Variants in UST observed in about 807,000 individuals in gnomAD.
The protein encoded by UST is uronyl 2-sulfotransferase, also known as chondroitin sulfate 2-O-sulfotransferase.
A neutral mutation model predicts 45.6 loss-of-function variants in UST; 21 were observed. That is an observed-to-expected ratio of 0.46 (90% CI 0.33 to 0.66). The LOEUF (loss-of-function observed/expected upper bound fraction) is 0.66, where lower values mean the gene tolerates loss of function less well. UST is among the 30% of genes least tolerant of loss of function. UST has a pLI of 0.02. For missense variants in UST, 463 were observed against 512.4 expected, an observed-to-expected ratio of 0.90 and a Z score of 0.93; for synonymous variants, 215 against 200.6, an observed-to-expected ratio of 1.07 and a Z score of -0.61.
chr6:148,883,894 GC>G (rs1456572049), intron 1 of UST, among the ~76,000 whole-genome samples: 1 of 152,178 alleles, frequency 6.6e-6, no homozygotes, highest in Non-Finnish European at 1.5e-5. Context: ...CACTTTGGGA[GC>G]CCGAGGCGGG....
chr6:148,978,755 G>A (rs1293104700), intron 5 of UST, among the ~76,000 whole-genome samples: 1 of 152,128 alleles, frequency 6.6e-6, no homozygotes, highest in East Asian at 1.9e-4. Flanking sequence ...CAGGTTGATA[G>A]TTGCAGCAAA....
chr6:148,932,064 C>A (rs1164541112), intron 2 of UST, among the ~76,000 whole-genome samples: 1 of 152,200 alleles, frequency 6.6e-6, no homozygotes, highest in South Asian at 2.1e-4. Context: ...ATGGACCCAA[C>A]TGCAGTTTGA....
chr6:148,871,117 C>CCTCTCTCTCCCTCT (rs1778544448), intron 1 of UST, among the ~76,000 whole-genome samples: 1 of 97,586 alleles, frequency 1.0e-5, no homozygotes, highest in Admixed American at 1.3e-4. Flanking sequence ...GCATTCTCTC[C>CCTCTCTCTCCCTCT]CTCTCTCTCT....
At chr6:148,849,079 C>G (rs1640344521) in intron 1 of UST, among the ~76,000 whole-genome samples, 1 of 152,122 alleles carries the variant, frequency 6.6e-6, no homozygotes, top group Non-Finnish European at 1.5e-5. Context: ...CCTTTTTGTT[C>G]TGTTCAGGCT....
rs550644319 is a variant in UST, at chr6:148,973,422, T to A, written c.681+8859T>A. On this transcript the variant is annotated intron_variant, in intron 5 of 7. Transcript: ENST00000367463. The stretch of plus-strand genomic sequence containing the variant: ...ATTGCCATCTCTTCAAAGAGACATG[T>A]GACATTCTTTAAATGCAGGCCAATT... Among the ~76,000 whole-genome samples, 6 of 152,348 alleles carry A rather than the reference T, an allele frequency of 3.9e-5. No individual in the cohort carries two copies. In the East Asian group the frequency reaches 1.2e-3, roughly 29 times the overall value.
chr6:148,816,102 C>A (rs1384103481), intron 1 of UST, among the ~76,000 whole-genome samples: 1 of 152,228 alleles, frequency 6.6e-6, no homozygotes, highest in Non-Finnish European at 1.5e-5. Context: ...GATGGGCCAG[C>A]TGGGGTGTAG....
At chr6:148,765,727 G>A (rs1417833315) in intron 1 of UST, among the ~76,000 whole-genome samples, 1 of 152,128 alleles carries the variant, frequency 6.6e-6, no homozygotes, top group Non-Finnish European at 1.5e-5. Context: ...GTAAAGACAG[G>A]CATAAGAAAT....
At chr6:148,917,479 A>G (rs764414235) in intron 2 of UST, among the ~76,000 whole-genome samples, 2 of 152,258 alleles carry the variant, frequency 1.3e-5, no homozygotes, top group Non-Finnish European at 2.9e-5. Flanking sequence ...TGCTTGGACC[A>G]TTCGTCAATG....
chr6:148,866,609 A>T (rs1441691680), intron 1 of UST, among the ~76,000 whole-genome samples: 1 of 152,208 alleles, frequency 6.6e-6, no homozygotes, highest in Non-Finnish European at 1.5e-5. Context: ...GAAAAATATC[A>T]AGGCTTCCCT....
chr6:148,929,329 A>AAGAT (rs1191489548), intron 2 of UST, among the ~76,000 whole-genome samples: 1 of 152,196 alleles, frequency 6.6e-6, no homozygotes, highest in East Asian at 1.9e-4. Flanking sequence ...GCTCATGGCT[A>AAGAT]GTTGAGATGT....
intron 1 of UST, among the ~76,000 whole-genome samples, chr6:148,821,849 T>C (rs1202113794): frequency 2.0e-5 from 3 of 148,912 alleles, no homozygotes; most frequent in Non-Finnish European, 4.5e-5. Context: ...GGCATCTTAC[T>C]TGATTCAATG....
At chr6:148,906,192 G>A (rs1779356249) in intron 2 of UST, among the ~76,000 whole-genome samples, 1 of 148,992 alleles carries the variant, frequency 6.7e-6, no homozygotes, top group Non-Finnish European at 1.5e-5. Flanking sequence ...CTTGCCCAGA[G>A]TCACTTACCT....
At chr6:148,845,676 A>G (rs545279200) in intron 1 of UST, among the ~76,000 whole-genome samples, 1 of 152,318 alleles carries the variant, frequency 6.6e-6, no homozygotes, top group South Asian at 2.1e-4. Context: ...GAGTAGAAAC[A>G]TGTTTAACTT....
intron 7 of UST, among the ~76,000 whole-genome samples, chr6:149,033,711 C>T (rs6930989): frequency 0.63 from 96,102 of 152,030 alleles, 30,684 homozygotes; most frequent in Non-Finnish European, 0.66. Flanking sequence ...CCATAGCATA[C>T]GCTTCTAGAT....
intron 2 of UST, among the ~76,000 whole-genome samples, chr6:148,894,570 G>A (rs1472185511): frequency 7.9e-5 from 12 of 152,136 alleles, no homozygotes; most frequent in Non-Finnish European, 1.6e-4. Flanking sequence ...GCAGGAGCCA[G>A]CCCTATAGAC....
chr6:149,045,594 C>T (rs1004933753), intron 7 of UST, among the ~76,000 whole-genome samples: 4 of 152,126 alleles, frequency 2.6e-5, no homozygotes, highest in African/African-American at 7.2e-5. Context: ...TTCTCTTGTC[C>T]ACCACAGGGA....
At chr6:149,043,761 C>T (rs560765890) in intron 7 of UST, among the ~76,000 whole-genome samples, 196 of 152,362 alleles carry the variant, frequency 1.3e-3, no homozygotes, top group African/African-American at 4.5e-3. Flanking sequence ...TTTGTTTATG[C>T]GGGTTGACTT....
chr6:149,016,404 CT>C (rs1393887853), intron 5 of UST, among the ~76,000 whole-genome samples: 2 of 152,210 alleles, frequency 1.3e-5, no homozygotes, highest in African/African-American at 4.8e-5. Context: ...GGACAAAACC[CT>C]GGCAGGGTCA....
intron 1 of UST, among the ~76,000 whole-genome samples, chr6:148,868,452 A>G (rs75103636): frequency 7.6e-6 from 1 of 132,272 alleles, no homozygotes; most frequent in Non-Finnish European, 1.8e-5. Flanking sequence ...CAGTGATTCA[A>G]AAGTGAGTGA....
Sources: allele counts gnomAD v4.1 joint callset (sites outside exome capture counted in the v4.1 genomes callset), GRCh38; gene constraint gnomAD v4.1.1; transcripts MANE v1.5; gene names NCBI Gene and HGNC (gene_info 2026-07-23, HGNC 2026-07-21).